The following ANKRD13C variants were observed in gnomAD, a reference collection of about 807,000 sequenced individuals.
ANKRD13C encodes the protein ankyrin repeat domain-containing protein 13C.
ANKRD13C carries 16 observed loss-of-function variants against 65.5 expected under a neutral mutation model. The observed-to-expected ratio is 0.24, with a 90% CI of 0.17 to 0.37. The LOEUF is 0.37. ANKRD13C is among the 10% of genes least tolerant of loss of function. ANKRD13C has a pLI of 1.00. For missense variants in ANKRD13C, 503 were observed against 655.9 expected (o/e 0.77, Z 2.55); for synonymous variants, 235 against 238.7 (o/e 0.98, Z 0.14).
chr1:70,289,828 C>T (rs4612579), intron 9 of ANKRD13C, among the ~76,000 whole-genome samples: 103 of 152,176 alleles, frequency 6.8e-4, no homozygotes, highest in African/African-American at 2.3e-3. Context: ...ACAACAAAAT[C>T]ACTTTTTTCA....
At chr1:70,277,108 T>C (rs1186377953) in intron 9 of ANKRD13C, among the ~76,000 whole-genome samples, 1 of 152,076 alleles carries the variant, frequency 6.6e-6, no homozygotes. Flanking sequence ...TTCAATCATC[T>C]AAAATGTTCC....
intron 3 of ANKRD13C, among the ~76,000 whole-genome samples, chr1:70,320,447 A>G (rs552640322): frequency 9.9e-5 from 15 of 151,698 alleles, no homozygotes; most frequent in African/African-American, 3.1e-4. Flanking sequence ...GGATCCTCCC[A>G]TCTCAGCTCC....
chr1:70,312,978 A>G (rs1476059457), intron 5 of ANKRD13C, among the ~76,000 whole-genome samples: 1 of 152,182 alleles, frequency 6.6e-6, no homozygotes, highest in Non-Finnish European at 1.5e-5. Flanking sequence ...AACAGTATGT[A>G]AAGAAAGTGG....
At chr1:70,268,989 C>T (rs911847483) in intron 12 of ANKRD13C, among the ~76,000 whole-genome samples, 2 of 151,824 alleles carry the variant, frequency 1.3e-5, no homozygotes, top group South Asian at 2.1e-4. Context: ...GCTGCACCCA[C>T]TAACTCGTCA....
chr1:70,306,476 C>T (rs1353526077), intron 5 of ANKRD13C, among the ~76,000 whole-genome samples, 186 bp from the exon 6 acceptor site: 3 of 152,004 alleles, frequency 2.0e-5, no homozygotes, highest in African/African-American at 7.2e-5. Flanking sequence ...CAAATATCTA[C>T]TATTTACTTG....
intron 6 of ANKRD13C, among the ~76,000 whole-genome samples, chr1:70,305,132 C>A (rs1279884485): frequency 6.6e-6 from 1 of 152,044 alleles, no homozygotes; most frequent in Non-Finnish European, 1.5e-5. Flanking sequence ...ACAACAACAA[C>A]AAAAACAGAA....
At chr1:70,303,797 T>A (rs1259098957) in intron 6 of ANKRD13C, among the ~76,000 whole-genome samples, 1 of 152,190 alleles carries the variant, frequency 6.6e-6, no homozygotes, top group Non-Finnish European at 1.5e-5. Context: ...TGTTAACAGA[T>A]TTTTTCCTTT....
intron 1 of ANKRD13C, among the ~76,000 whole-genome samples, chr1:70,350,139 T>C (rs1041594387): frequency 2.0e-5 from 3 of 152,160 alleles, no homozygotes; most frequent in Non-Finnish European, 4.4e-5. Context: ...TGAGATTCCA[T>C]CACAAAAAAT....
At chr1:70,348,690 T>C (rs952431886) in intron 1 of ANKRD13C, among the ~76,000 whole-genome samples, 5 of 152,238 alleles carry the variant, frequency 3.3e-5, no homozygotes, top group Non-Finnish European at 7.3e-5. Context: ...CTGAGGTACC[T>C]GCATCAGCAG....
intron 6 of ANKRD13C, among the ~76,000 whole-genome samples, chr1:70,302,954 T>A (rs1680441911): frequency 6.6e-6 from 1 of 152,058 alleles, no homozygotes; most frequent in South Asian, 2.1e-4. Context: ...TTGCCCATCA[T>A]AGGTGAAAGT....
chr1:70,265,824 C>CAAAA (rs775757290), intron 12 of ANKRD13C, among the ~76,000 whole-genome samples: 48 of 35,380 alleles, frequency 1.4e-3, no homozygotes, highest in African/African-American at 2.7e-3. Context: ...GACCTTGCCT[C>CAAAA]AAAAAAAAAA....
chr1:70,309,341 T>C (rs1168910349), intron 5 of ANKRD13C, among the ~76,000 whole-genome samples: 1 of 151,266 alleles, frequency 6.6e-6, no homozygotes, highest in Non-Finnish European at 1.5e-5. Context: ...CCCAAAGTGC[T>C]GGGATTACGG....
At chr1:70,285,135 A>C (rs1317373660) in intron 9 of ANKRD13C, among the ~76,000 whole-genome samples, 1 of 146,768 alleles carries the variant, frequency 6.8e-6, no homozygotes, top group Non-Finnish European at 1.5e-5. Flanking sequence ...TTGTTCTTAT[A>C]TTGTCAGCTG....
rs373447795 is a variant in ANKRD13C, at chr1:70,342,739, A to AACACACACACAC, written c.431-6652_431-6641dup. Among the ~76,000 whole-genome samples the AACACACACACAC allele has an allele frequency of 3.3e-3, 379 of 115,352 alleles. 2 individuals are homozygous for AACACACACACAC. Among genetic ancestry groups the AACACACACACAC allele is most frequent in the African/African-American group, 9.7e-3 (347 of 35,608 alleles). The allele number at this position is 115,352 out of a possible 152,430, so 75.7% of individuals were successfully genotyped here. A position where few individuals can be genotyped will look rare whatever the true frequency, so the allele number is the denominator to read the frequency against. On this transcript the variant is annotated intron_variant, in intron 1 of 12. Transcript: ENST00000370944. ...AAAGAAAGAAACACACACACACAAT[A>AACACACACACAC]ACACACACACACACACACACACACA...
chr1:70,291,803 A>G (rs1311380319), intron 9 of ANKRD13C, among the ~76,000 whole-genome samples: 4 of 142,046 alleles, frequency 2.8e-5, no homozygotes, highest in African/African-American at 1.0e-4. Context: ...GGAGACTCCA[A>G]CTCTAAATAA....
At chr1:70,265,824 C>CAAA (rs775757290) in intron 12 of ANKRD13C, among the ~76,000 whole-genome samples, 36 of 35,408 alleles carry the variant, frequency 1.0e-3, no homozygotes, top group African/African-American at 2.7e-3. Flanking sequence ...GACCTTGCCT[C>CAAA]AAAAAAAAAA....
chr1:70,315,951 CA>C (rs1364006502), intron 3 of ANKRD13C, among the ~76,000 whole-genome samples: 1 of 152,152 alleles, frequency 6.6e-6, no homozygotes, highest in African/African-American at 2.4e-5. Context: ...TTTTAATTAT[CA>C]GTAACGATTT....
At position 70,354,600 on chromosome 1, in the gene ANKRD13C, C is replaced by A. The variant is rs1682918301; in HGVS notation, c.-192G>T. The A allele has an allele frequency of 3.0e-6, 4 of 1,331,818 alleles. No homozygotes were observed. Among genetic ancestry groups the A allele is most frequent in the Non-Finnish European group, 4.0e-6 (4 of 1,007,226 alleles). The allele number at this position is 1,331,818 out of a possible 1,614,324, so 82.5% of individuals were successfully genotyped here. Reference sequence around the variant, plus strand: ...CGGCTCTCGCCTAGGCACGAAGGGACGCGCGCTCGCTGGGGGAAGCTAGAA... The same window carrying A: ...CGGCTCTCGCCTAGGCACGAAGGGAAGCGCGCTCGCTGGGGGAAGCTAGAA... On this transcript the variant is annotated 5_prime_UTR_variant, in exon 1 of 13. Transcript: ENST00000370944.
At chr1:70,319,607 C>CAAAAAA (rs1180827448) in intron 3 of ANKRD13C, among the ~76,000 whole-genome samples, 1 of 121,174 alleles carries the variant, frequency 8.3e-6, no homozygotes, top group African/African-American at 3.2e-5. Flanking sequence ...AACTCCATCT[C>CAAAAAA]AAAAAAAAAA....
Sources: gnomAD v4.1 joint callset for allele counts (sites outside exome capture counted in the v4.1 genomes callset) on GRCh38, gnomAD v4.1.1 for gene constraint, MANE v1.5 for transcripts, NCBI Gene and HGNC (gene_info 2026-07-23, HGNC 2026-07-21) for gene names.